Variants in SYT17 observed in about 807,000 individuals in gnomAD.
The protein encoded by SYT17 is synaptotagmin 17, also known as synaptotagmin-17.
Under a neutral mutation model 46.7 loss-of-function variants are expected in SYT17, and 22 were observed. The ratio of observed to expected loss-of-function variants is 0.47; its 90% CI spans 0.34 to 0.67. The LOEUF (loss-of-function observed/expected upper bound fraction) is 0.67, where lower values mean the gene tolerates loss of function less well. SYT17 is among the 30% of genes least tolerant of loss of function. SYT17 has a pLI of 0.01. For synonymous variants in SYT17, 251 were observed against 248.4 expected (o/e 1.01, Z -0.10); for missense variants, 519 against 612.8 (o/e 0.85, Z 1.62).
chr16:19,173,570 T>A lies in SYT17; in HGVS notation c.174T>A (p.Pro58=), dbSNP rs150589668. Residue 58 remains proline, a synonymous_variant, in exon 3 of 8, where the codon CCT becomes CCA. Transcript: ENST00000355377. The stretch of plus-strand genomic sequence containing the variant: ...TGGGACCTTTCCCTGCTCAGACCCC[T>A]CCCTGGCTGTAAGTAAAACTGCTCT... ...EILGPFPAQT[P]PWLMASRSSD... is the part of the protein sequence containing the mutation. The A allele has an allele frequency of 5.6e-6, 9 of 1,613,274 alleles. No homozygotes were observed. The Admixed American group carries it at 1.0e-4, about 18-fold the overall frequency.
intron 1 of SYT17, chr16:19,170,150 C>T (rs1964026294): frequency 2.0e-5 from 3 of 152,170 alleles, no homozygotes; most frequent in African/African-American, 7.2e-5. Context: ...TGGAGGCTCA[C>T]ATGGTCTCTG....
At chr16:19,172,529 TGTTG>T in intron 1 of SYT17, 1 of 1,497,266 alleles carries the variant, frequency 6.7e-7, no homozygotes, top group Non-Finnish European at 8.8e-7. Flanking sequence ...ATTTATTTGG[TGTTG>T]GTTAACCAGG....
chr16:19,234,532 C>G (rs1486683275), intron 7 of SYT17, among the ~76,000 whole-genome samples: 1 of 151,972 alleles, frequency 6.6e-6, no homozygotes, highest in Non-Finnish European at 1.5e-5. Flanking sequence ...GTGCCTTGTA[C>G]AGTTAGTGCT....
At chr16:19,175,374 C>T (rs1031626968) in intron 3 of SYT17, among the ~76,000 whole-genome samples, 4 of 151,882 alleles carry the variant, frequency 2.6e-5, no homozygotes, top group African/African-American at 9.7e-5. Context: ...TAATTCACAG[C>T]CGGGTGCCGT....
chr16:19,179,659 T>C (rs1964466826), intron 3 of SYT17, among the ~76,000 whole-genome samples: 1 of 152,154 alleles, frequency 6.6e-6, no homozygotes, highest in East Asian at 1.9e-4. Context: ...GATGGGGAAA[T>C]GGAGGTACGG....
chr16:19,200,366 C>G (rs1258779906), intron 5 of SYT17, among the ~76,000 whole-genome samples: 1 of 152,182 alleles, frequency 6.6e-6, no homozygotes, highest in African/African-American at 2.4e-5. Flanking sequence ...CCCGATACAT[C>G]CAAAGTGTTA....
At chr16:19,200,358 C>T (rs1484153431) in intron 5 of SYT17, among the ~76,000 whole-genome samples, 7 of 152,088 alleles carry the variant, frequency 4.6e-5, no homozygotes, top group African/African-American at 9.7e-5. Flanking sequence ...TTATGGAACC[C>T]GATACATCCA....
At chr16:19,217,841 T>G (rs769511690) in intron 5 of SYT17, among the ~76,000 whole-genome samples, 4 of 152,218 alleles carry the variant, frequency 2.6e-5, no homozygotes, top group Non-Finnish European at 5.9e-5. Flanking sequence ...ATTTTGTGTG[T>G]GTGTGTTTAT....
chr16:19,185,663 T>C (rs1964758232), intron 5 of SYT17, among the ~76,000 whole-genome samples: 3 of 151,220 alleles, frequency 2.0e-5, no homozygotes, highest in South Asian at 4.2e-4. Flanking sequence ...GCAGAGAAAA[T>C]GGCCTTGGGT....
intron 5 of SYT17, among the ~76,000 whole-genome samples, chr16:19,217,166 T>C (rs568257949): frequency 3.8e-4 from 58 of 152,286 alleles, no homozygotes; most frequent in African/African-American, 1.3e-3. Context: ...TTTGCAATTA[T>C]TTCTTAATTG....
chr16:19,194,190 G>T (rs537681322), intron 5 of SYT17, among the ~76,000 whole-genome samples: 1 of 152,270 alleles, frequency 6.6e-6, no homozygotes, highest in Non-Finnish European at 1.5e-5. Flanking sequence ...TCTTATAGAG[G>T]TGCCCAATCT....
chr16:19,265,832 G>A (rs1177284155), intron 7 of SYT17, among the ~76,000 whole-genome samples: 1 of 152,210 alleles, frequency 6.6e-6, no homozygotes, highest in Non-Finnish European at 1.5e-5. Flanking sequence ...TTAAGCTGAA[G>A]TTGGGATTAA....
rs751275000 is a variant in SYT17 at position 19,183,547 on chromosome 16, C to G, written c.351C>G (p.Pro117=). 3 of 1,614,146 alleles carry G rather than the reference C, an allele frequency of 1.9e-6. No homozygotes were observed. Among genetic ancestry groups the G allele is most frequent in the South Asian group, 2.2e-5 (2 of 91,076 alleles). ...RRISSLESRR[P]SSPLIDIKPI... ...TCTCAGGTCTTGAGTCAAGACGTCC[C>G]AGCTCTCCACTCATCGATATTAAAC... The change falls in exon 5 of 8, where the codon CCC becomes CCG. Residue 117 remains proline, a synonymous_variant. Transcript: ENST00000355377. This position sits in a 1 kb window ranked among gnomAD's most constrained non-coding sequence, Gnocchi z 5.6.
intron 7 of SYT17, among the ~76,000 whole-genome samples, chr16:19,266,658 G>A (rs1235638235): frequency 6.6e-6 from 1 of 152,220 alleles, no homozygotes; most frequent in Non-Finnish European, 1.5e-5. Context: ...GGGATGGCAG[G>A]AAACCAGGTG....
intron 5 of SYT17, among the ~76,000 whole-genome samples, chr16:19,204,938 A>C (rs1596947231): frequency 6.6e-6 from 1 of 151,628 alleles, no homozygotes; most frequent in African/African-American, 2.4e-5. Context: ...TTATCCCCAA[A>C]CCCAGGAGCC....
At chr16:19,260,815 A>G (rs1968924577) in intron 7 of SYT17, among the ~76,000 whole-genome samples, 1 of 152,194 alleles carries the variant, frequency 6.6e-6, no homozygotes, top group Non-Finnish European at 1.5e-5. Flanking sequence ...ATTTTTAGTT[A>G]TGGATGTTTC....
chr16:19,176,722 G>A (rs1964328184), intron 3 of SYT17, among the ~76,000 whole-genome samples: 1 of 152,150 alleles, frequency 6.6e-6, no homozygotes, highest in African/African-American at 2.4e-5. Flanking sequence ...TCATTGTGTT[G>A]CCCAGGCTGG....
At position 19,193,125 on chromosome 16, in the gene SYT17, G is replaced by T. The variant is rs532354818; in HGVS notation, c.951+8978G>T. The stretch of plus-strand genomic sequence containing the variant: ...CTCTGCCACTTAGGGGTTGGATGTT[G>T]TGATGGTTTCATAAGCTGGCGTGGC... On this transcript the variant is annotated intron_variant, in intron 5 of 7. Coordinates refer to ENST00000355377, the MANE Select transcript of SYT17 (RefSeq NM_016524.4). Among the ~76,000 whole-genome samples the T allele has an allele frequency of 2.0e-5, 3 of 152,374 alleles. No individual in the cohort carries two copies. In the South Asian group the frequency reaches 6.2e-4, roughly 32 times the overall value.
chr16:19,169,113 A>T (rs1353936880), intron 1 of SYT17, among the ~76,000 whole-genome samples: 1 of 151,888 alleles, frequency 6.6e-6, no homozygotes, highest in Non-Finnish European at 1.5e-5. Context: ...CAGGAGGGAC[A>T]AGGACGTCGT....
Sources: allele counts gnomAD v4.1 joint callset (sites outside exome capture counted in the v4.1 genomes callset), GRCh38; gene constraint gnomAD v4.1.1; non-coding constraint Gnocchi (gnomAD v3.1); transcripts MANE v1.5; gene names NCBI Gene and HGNC (gene_info 2026-07-23, HGNC 2026-07-21).